SMG7: variants seen among roughly 807,000 people sequenced by gnomAD.
SMG7 encodes nonsense-mediated mRNA decay factor SMG7.
Under a neutral mutation model 148.2 loss-of-function variants are expected in SMG7, and 34 were observed. That is an observed-to-expected ratio of 0.23 (90% CI 0.17 to 0.31). SMG7 has a LOEUF of 0.31. Ranked by LOEUF, SMG7 falls within the 10% of genes least tolerant of loss-of-function variation. SMG7 has a pLI of 1.00. For synonymous variants in SMG7, 492 were observed against 515.1 expected, an observed-to-expected ratio of 0.96 and a Z score of 0.61; for missense variants, 1,114 against 1,408.4, an observed-to-expected ratio of 0.79 and a Z score of 3.35.
intron 4 of SMG7, among the ~76,000 whole-genome samples, chr1:183,524,170 C>T (rs1665355677): frequency 6.6e-6 from 1 of 152,050 alleles, no homozygotes. Context: ...CGGCCTGGAA[C>T]TCTGGGGCTT....
intron 8 of SMG7, 73 bp downstream of exon 8, chr1:183,529,606 C>T: frequency 1.6e-6 from 2 of 1,265,822 alleles, no homozygotes; most frequent in Non-Finnish European, 2.2e-6. Flanking sequence ...AAACTGACTC[C>T]CAGTTTTTGT....
rs1313526531 is a variant in SMG7, at chr1:183,486,766, G to A, written c.29+14117G>A. 2.6e-5 allele frequency among the ~76,000 whole-genome samples: 4 copies of A among 151,028 alleles called. No individual in the cohort carries two copies. In the East Asian group the frequency reaches 7.8e-4, roughly 30 times the overall value. On this transcript the variant is annotated intron_variant, in intron 1 of 22. Transcript: ENST00000688051. The stretch of plus-strand genomic sequence containing the variant: ...GTCACCCAGGCTGGACTCCAGTCAC[G>A]TATTCACAGCAACCTCTACCTCCCA...
intron 12 of SMG7, 102 bp downstream of exon 12, chr1:183,538,542 C>A: frequency 1.2e-6 from 1 of 812,254 alleles, no homozygotes; most frequent in Non-Finnish European, 2.1e-6. Context: ...TCTGTCCCAG[C>A]TGTGTGTTAT....
chr1:183,542,015 A>G, intron 13 of SMG7, 61 bp from the exon 14 acceptor site: 7 of 1,369,224 alleles, frequency 5.1e-6, no homozygotes, highest in Non-Finnish European at 7.0e-6. Context: ...TCCACACACA[A>G]TTCAGTTGTT....
At chr1:183,498,918 C>G (rs201835387) in intron 1 of SMG7, among the ~76,000 whole-genome samples, 1 of 152,252 alleles carries the variant, frequency 6.6e-6, no homozygotes, top group African/African-American at 2.4e-5. Context: ...CATTCCCCCT[C>G]TCTTCCCCTC....
chr1:183,540,513 C>T (rs1368199690), intron 12 of SMG7, among the ~76,000 whole-genome samples: 1 of 151,286 alleles, frequency 6.6e-6, no homozygotes, highest in African/African-American at 2.4e-5. Context: ...ATTCTATATG[C>T]TTTACGATAT....
rs1313011248 is a variant in SMG7, at chr1:183,545,305, T to C, written c.2363T>C (p.Phe788Ser). 2 of 1,608,372 alleles carry C rather than the reference T, an allele frequency of 1.2e-6. No homozygotes were observed. The highest frequency in any genetic ancestry group is 1.7e-6 in the Non-Finnish European group (2 of 1,179,764). Residue 788 changes from phenylalanine (F) to serine (S), a missense_variant, in exon 16 of 23, where the codon TTC becomes TCC. By Grantham distance (155) the Phe-to-Ser change is radical. Coordinates refer to ENST00000688051, the MANE Select transcript of SMG7 (RefSeq NM_001375584.1). ...LGKSPPHHSG[F>S]QQYQQADASK... The stretch of plus-strand genomic sequence containing the variant: ...AAAAGCCCGCCTCACCACTCTGGAT[T>C]CCAGCAGGTAAGTTACAGTTGTGTG...
intron 1 of SMG7, among the ~76,000 whole-genome samples, chr1:183,479,803 G>C (rs758607281): frequency 1.5e-4 from 23 of 152,124 alleles, no homozygotes; most frequent in Non-Finnish European, 3.1e-4. Flanking sequence ...GTGGAGATGG[G>C]GTGGAGAGGG....
chr1:183,473,933 T>C, intron 1 of SMG7: 2 of 955,920 alleles, frequency 2.1e-6, no homozygotes, highest in Non-Finnish European at 2.5e-6. Flanking sequence ...GTGGCCATTA[T>C]AATTTTTAAA....
intron 4 of SMG7, 34 bp from the exon 5 acceptor site, chr1:183,526,562 A>C (rs779830934): frequency 2.7e-6 from 4 of 1,466,754 alleles, no homozygotes; most frequent in Non-Finnish European, 3.8e-6. Flanking sequence ...AGCACTTGTG[A>C]CTTACTACTA....
chr1:183,489,018 CT>C (rs1006516234), intron 1 of SMG7, among the ~76,000 whole-genome samples: 1 of 151,828 alleles, frequency 6.6e-6, no homozygotes, highest in African/African-American at 2.4e-5. Context: ...AATTATTTTT[CT>C]TTTTGATATA....
chr1:183,510,853 A>G (rs1314310416), intron 1 of SMG7, among the ~76,000 whole-genome samples: 1 of 152,020 alleles, frequency 6.6e-6, no homozygotes, highest in South Asian at 2.1e-4. Flanking sequence ...TTTCATGCTA[A>G]AAGTGCAGGC....
At chr1:183,550,483 G>A (rs562133499) in intron 20 of SMG7, among the ~76,000 whole-genome samples, 30 of 152,278 alleles carry the variant, frequency 2.0e-4, no homozygotes, top group Middle Eastern at 6.8e-3. Context: ...TGAAATAGCC[G>A]TGTGAGAATA....
At position 183,542,260 on chromosome 1, in the gene SMG7, A is replaced by G. The variant is rs1669005989; in HGVS notation, c.1600A>G (p.Ser534Gly). 2 of 1,614,058 alleles carry G rather than the reference A, an allele frequency of 1.2e-6. No homozygotes were observed. The highest frequency in any genetic ancestry group is 1.7e-6 in the Non-Finnish European group (2 of 1,180,016). Residue 534 changes from serine (S) to glycine (G), a missense_variant, in exon 14 of 23, where the codon AGC (serine) becomes GGC (glycine). Coordinates refer to ENST00000688051, the MANE Select transcript of SMG7 (RefSeq NM_001375584.1). ...KSVLSTSRNL[S>G]NNCDTGEKPV... ...AGTGCTATCTACAAGCCGAAATTTAAGCAACAACTGTGACACAGGAGAGAA... is the reference window on the plus strand; with the variant it reads ...AGTGCTATCTACAAGCCGAAATTTAGGCAACAACTGTGACACAGGAGAGAA...
At chr1:183,503,767 A>G (rs1038943244) in intron 1 of SMG7, among the ~76,000 whole-genome samples, 1 of 152,238 alleles carries the variant, frequency 6.6e-6, no homozygotes, top group Non-Finnish European at 1.5e-5. Flanking sequence ...GTTCTTTTAT[A>G]TAACTTACTT....
rs992314596 is a variant in SMG7, at chr1:183,518,038, C to T, written c.312+218C>T. Among the ~76,000 whole-genome samples, 5 of 152,102 alleles carry T rather than the reference C, an allele frequency of 3.3e-5. No homozygotes were observed. In the East Asian group the frequency reaches 9.6e-4, roughly 29 times the overall value. ...TCATGGCTTCCTGCAGCCTCAGCCT[C>T]CCTGACTGAAGTGATCCTCTCACCT... On this transcript the variant is annotated intron_variant, in intron 4 of 22. Coordinates refer to ENST00000688051, the MANE Select transcript of SMG7 (RefSeq NM_001375584.1).
intron 1 of SMG7, among the ~76,000 whole-genome samples, chr1:183,476,777 C>G (rs375545075): frequency 1.9e-4 from 29 of 151,992 alleles, no homozygotes; most frequent in African/African-American, 6.8e-4. Context: ...AAAATATGAT[C>G]TTAAATATGA....
intron 3 of SMG7, 141 bp downstream of exon 3, chr1:183,516,132 T>C: frequency 1.6e-6 from 1 of 630,054 alleles, no homozygotes; most frequent in African/African-American, 1.8e-5. Flanking sequence ...GTATTTGTGA[T>C]ATTTGGCCAT....
chr1:183,506,607 A>G (rs988052390), intron 1 of SMG7, among the ~76,000 whole-genome samples: 9 of 151,746 alleles, frequency 5.9e-5, no homozygotes, highest in Admixed American at 3.3e-4. Context: ...TTAGAACTCT[A>G]TGAAACAAGT....
Sources: allele counts gnomAD v4.1 joint callset (sites outside exome capture counted in the v4.1 genomes callset), GRCh38; gene constraint gnomAD v4.1.1; transcripts MANE v1.5; gene names NCBI Gene and HGNC (gene_info 2026-07-23, HGNC 2026-07-21).